GALNT16: variants seen among roughly 807,000 people sequenced by gnomAD.
GALNT16 encodes UDP-GalNAc:polypeptide N-acetylgalactosaminyltransferase-like protein 1.
GALNT16 carries 40 observed loss-of-function variants against 76.1 expected under a neutral mutation model. The observed-to-expected ratio is 0.53, with a 90% CI of 0.41 to 0.68. The LOEUF (loss-of-function observed/expected upper bound fraction) is 0.68. GALNT16 is among the 30% of genes least tolerant of loss of function. GALNT16 has a pLI of 0.00. For synonymous variants in GALNT16, 276 were observed against 285.2 expected, an observed-to-expected ratio of 0.97 and a Z score of 0.32; for missense variants, 621 against 731.9, an observed-to-expected ratio of 0.85 and a Z score of 1.75.
At chr14:69,357,714 A>G (rs1418898431), downstream of GALNT16, 1 of 152,172 alleles carries the variant, frequency 6.6e-6, no homozygotes. Flanking sequence ...TCTTTCAACA[A>G]TTTGTCTTTC....
chr14:69,344,305 A>G (rs975911641), intron 12 of GALNT16, among the ~76,000 whole-genome samples: 1 of 152,262 alleles, frequency 6.6e-6, no homozygotes, highest in Non-Finnish European at 1.5e-5. Context: ...CAAGCACACC[A>G]TGTTTGTGAG....
At chr14:69,335,992 T>C (rs12890950) in intron 9 of GALNT16, among the ~76,000 whole-genome samples, 5,821 of 152,230 alleles carry the variant, frequency 0.038, 134 homozygotes, top group South Asian at 0.055. Flanking sequence ...CATGTCATTC[T>C]GAGGAAAACC....
intron 10 of GALNT16, 55 bp from the exon 11 acceptor site, chr14:69,339,472 C>T (rs371859529): frequency 1.7e-5 from 17 of 1,026,508 alleles, no homozygotes; most frequent in East Asian, 4.7e-5. Flanking sequence ...TGATCCTGAC[C>T]GCTAACCCTG....
At chr14:69,380,386 C>A in the GALNT16 span, 1 of 455,258 alleles carries the variant, frequency 2.2e-6, no homozygotes. Flanking sequence ...TCCGATTGAA[C>A]AAGATCCTCA....
intron 12 of GALNT16, among the ~76,000 whole-genome samples, chr14:69,345,163 A>G (rs895150442): frequency 5.3e-5 from 8 of 152,238 alleles, no homozygotes; most frequent in Non-Finnish European, 1.2e-4. Flanking sequence ...GAAGGTTTCT[A>G]TGTAACCTTA....
intron 14 of GALNT16, chr14:69,351,143 TA>T (rs902656071): frequency 8.5e-5 from 13 of 152,208 alleles, no homozygotes; most frequent in African/African-American, 3.1e-4. Context: ...AGCTTCCCAC[TA>T]GGGGGTGTAG....
At chr14:69,336,432 G>A (rs557596013) in intron 9 of GALNT16, among the ~76,000 whole-genome samples, 43 of 152,270 alleles carry the variant, frequency 2.8e-4, no homozygotes, top group African/African-American at 1.0e-3. Context: ...CTTTGAACTT[G>A]CCAGCTGTGC....
intron 1 of GALNT16, among the ~76,000 whole-genome samples, chr14:69,313,785 T>C (rs977021444): frequency 2.2e-4 from 23 of 102,454 alleles, no homozygotes; most frequent in Admixed American, 1.1e-3. Context: ...TGGATTTCCA[T>C]AGTAACCATG....
intron 1 of GALNT16, among the ~76,000 whole-genome samples, chr14:69,264,819 C>CTTTCTTTTTTTTTTTTTTTTT (rs770742554): frequency 1.0e-5 from 1 of 96,600 alleles, no homozygotes; most frequent in African/African-American, 5.1e-5. Flanking sequence ...CTTTTTCTTT[C>CTTTCTTTTTTTTTTTTTTTTT]TTTTTTTTTT....
At chr14:69,260,096 G>A (rs2044240088), upstream of GALNT16, 4 of 517,250 alleles carry the variant, frequency 7.7e-6, no homozygotes, top group East Asian at 3.7e-5. Flanking sequence ...AAGGGCATTA[G>A]GACCGTGAGG....
intron 14 of GALNT16, chr14:69,351,458 C>T (rs2045635584): frequency 6.6e-6 from 1 of 152,276 alleles, no homozygotes; most frequent in South Asian, 2.1e-4. Context: ...TGTAAATAAA[C>T]ACAGGGGACT....
At chr14:69,320,205 C>A (rs1287943264) in intron 1 of GALNT16, among the ~76,000 whole-genome samples, 1 of 152,166 alleles carries the variant, frequency 6.6e-6, no homozygotes, top group Non-Finnish European at 1.5e-5. Flanking sequence ...TTTAAAAAGC[C>A]TCTTGATGGC....
At chr14:69,322,966 GTGTGTGTGTGTGTGTGCGCGCGCA>G (rs1566879675) in intron 2 of GALNT16, among the ~76,000 whole-genome samples, 14 of 74,934 alleles carry the variant, frequency 1.9e-4, no homozygotes, top group Admixed American at 1.2e-3. Context: ...GTGTGTGTGT[GTGTGTGTGTGTGTGTGCGCGCGCA>G]CGCGCGCACG....
Position 69,352,448 on chromosome 14 carries a change from C to G in GALNT16, c.*280C>G. The G allele has an allele frequency of 7.9e-6, 3 of 382,018 alleles. No homozygotes were observed. The highest frequency in any genetic ancestry group is 1.4e-5 in the Non-Finnish European group (3 of 212,398). The allele number at this position is 382,018 out of a possible 1,614,324, so 23.7% of individuals were successfully genotyped here. A position where few individuals can be genotyped will look rare whatever the true frequency, so the allele number is the denominator to read the frequency against. On this transcript the variant is annotated 3_prime_UTR_variant, in exon 15 of 15. Coordinates refer to ENST00000448469, the MANE Select transcript of GALNT16 (RefSeq NM_001168368.2). Reference sequence around the variant, plus strand: ...AGAGACTGAGTAGGTGCCCCTGGCCCTTTGTCCTCTCCCTTGGCGCTTCTT... The same window carrying G: ...AGAGACTGAGTAGGTGCCCCTGGCCGTTTGTCCTCTCCCTTGGCGCTTCTT...
intron 1 of GALNT16, among the ~76,000 whole-genome samples, chr14:69,265,165 C>T (rs1267818004): frequency 6.6e-6 from 1 of 151,454 alleles, no homozygotes; most frequent in Non-Finnish European, 1.5e-5. Context: ...GGGGTCTGTT[C>T]CTGGGCCATT....
the GALNT16 span, among the ~76,000 whole-genome samples, chr14:69,378,860 A>G: frequency 6.6e-6 from 1 of 152,238 alleles, no homozygotes; most frequent in Non-Finnish European, 1.5e-5. Context: ...AAACTATTTT[A>G]GCAGGACAGG....
At chr14:69,302,929 T>C (rs1349735484) in intron 1 of GALNT16, among the ~76,000 whole-genome samples, 1 of 152,218 alleles carries the variant, frequency 6.6e-6, no homozygotes, top group African/African-American at 2.4e-5. Flanking sequence ...TTTAACTGGG[T>C]ATCCTGTATT....
At chr14:69,380,886 T>G in the GALNT16 span, among the ~76,000 whole-genome samples, 1,622 of 152,080 alleles carry the variant, frequency 0.011, 27 homozygotes, top group African/African-American at 0.037. Context: ...AAATGCCCAA[T>G]ATGTTACATA....
At chr14:69,370,959 AT>A in the GALNT16 span, among the ~76,000 whole-genome samples, 4 of 152,248 alleles carry the variant, frequency 2.6e-5, no homozygotes, top group African/African-American at 4.8e-5. Context: ...CAATTTAAAA[AT>A]ATTTCTTGAA....
Sources: allele counts gnomAD v4.1 joint callset (sites outside exome capture counted in the v4.1 genomes callset), GRCh38; gene constraint gnomAD v4.1.1; transcripts MANE v1.5; gene names NCBI Gene and HGNC (gene_info 2026-07-23, HGNC 2026-07-21).